The following FBXO25 variants were observed in gnomAD, a reference collection of about 807,000 sequenced individuals.
FBXO25 encodes F-box protein 25.
In FBXO25, 45 loss-of-function variants were observed where a neutral mutation model predicts 51.9. The ratio of observed to expected loss-of-function variants is 0.87; its 90% CI spans 0.68 to 1.11. The LOEUF is 1.11. FBXO25 is among the 50% of genes most tolerant of loss of function. The probability of loss-of-function intolerance (pLI) is 0.00; values close to 1 mark genes in which losing one functional copy is unlikely to be tolerated. For synonymous variants in FBXO25, 199 were observed against 151.0 expected, an observed-to-expected ratio of 1.32 and a Z score of -2.33; for missense variants, 507 against 428.5, an observed-to-expected ratio of 1.18 and a Z score of -1.62.
chr8:418,496 C>T (rs1485671283), intron 2 of FBXO25, among the ~76,000 whole-genome samples: 3 of 151,776 alleles, frequency 2.0e-5, no homozygotes, highest in Non-Finnish European at 2.9e-5. Context: ...CCCACCACCA[C>T]ACCTGGCTAA....
chr8:461,018 C>T (rs1195397965), intron 8 of FBXO25, among the ~76,000 whole-genome samples: 1 of 152,174 alleles, frequency 6.6e-6, no homozygotes, highest in African/African-American at 2.4e-5. Flanking sequence ...CAGTGTTGTA[C>T]AAACAAGTTA....
At chr8:456,618 G>T (rs1479905658) in intron 7 of FBXO25, among the ~76,000 whole-genome samples, 1 of 152,190 alleles carries the variant, frequency 6.6e-6, no homozygotes, top group Non-Finnish European at 1.5e-5. Flanking sequence ...CGTGTGTACA[G>T]ACAGGGCAGG....
chr8:432,033 A>G (rs1398766718), intron 3 of FBXO25, among the ~76,000 whole-genome samples: 1 of 152,212 alleles, frequency 6.6e-6, no homozygotes, highest in African/African-American at 2.4e-5. Context: ...CACTTATAAT[A>G]AAGTTTAATT....
At chr8:464,698 AAATT>A (rs1256608356) in intron 9 of FBXO25, among the ~76,000 whole-genome samples, 16 of 152,368 alleles carry the variant, frequency 1.1e-4, no homozygotes, top group African/African-American at 3.6e-4. Context: ...GTGGCTTTAA[AAATT>A]AATCCGTGGT....
rs1216650057 is a variant in FBXO25 at position 475,868 on chromosome 8, C to G, written c.*7064C>G. On this transcript the variant is annotated 3_prime_UTR_variant, in exon 10 of 10. Transcript: ENST00000350302. ...ATAATTTTGCTTCTTCCTTTCCAGT[C>G]TGGATGCCTTTTATTTCTTTTTCTT... 1.3e-5 allele frequency: 2 copies of G among 152,102 alleles called. No homozygotes were observed. Among genetic ancestry groups the G allele is most frequent in the Non-Finnish European group, 2.9e-5 (2 of 67,982 alleles). 9.4% of individuals were successfully genotyped at this position (152,102 alleles called of 1,614,324 possible).
At chr8:431,224 C>T (rs1447538253) in intron 2 of FBXO25, 117 bp from the exon 3 acceptor site, 5 of 578,306 alleles carry the variant, frequency 8.6e-6, no homozygotes, top group African/African-American at 2.0e-5. Flanking sequence ...AGACATTACC[C>T]TTGTGATTTC....
intron 2 of FBXO25, among the ~76,000 whole-genome samples, chr8:421,297 A>G (rs1797138259): frequency 6.6e-6 from 1 of 152,218 alleles, no homozygotes; most frequent in Non-Finnish European, 1.5e-5. Flanking sequence ...GTCTGTGGAA[A>G]AAGTGTCTTC....
rs1800482141 is a variant in FBXO25, at chr8:471,489, C to CTTCATTACAATGAAGTAGATAA, written c.*2690_*2711dup. ...GTGAGATTAAGTTACATTCTGATGC[C>CTTCATTACAATGAAGTAGATAA]TTCATTACAATGAAGTAGATAATTC... On this transcript the variant is annotated 3_prime_UTR_variant, in exon 10 of 10. Coordinates refer to ENST00000350302, the MANE Select transcript of FBXO25 (RefSeq NM_183420.2). 1 of 152,142 alleles carries CTTCATTACAATGAAGTAGATAA rather than the reference C, an allele frequency of 6.6e-6. No individual in the cohort carries two copies. The highest frequency in any genetic ancestry group is 1.5e-5 in the Non-Finnish European group (1 of 68,036). 9.4% of individuals were successfully genotyped at this position (152,142 alleles called of 1,614,324 possible).
intron 2 of FBXO25, among the ~76,000 whole-genome samples, chr8:415,139 C>G (rs1796719234): frequency 6.6e-6 from 1 of 152,168 alleles, no homozygotes; most frequent in African/African-American, 2.4e-5. Flanking sequence ...ACATAGTACT[C>G]CTAATTCTTT....
chr8:442,053 G>T (rs545742866), intron 5 of FBXO25, among the ~76,000 whole-genome samples: 1 of 152,222 alleles, frequency 6.6e-6, no homozygotes, highest in East Asian at 1.9e-4. Context: ...GAAAAGGGCT[G>T]TTTTTAAAAT....
chr8:468,675 TG>T, intron 9 of FBXO25, 39 bp from the exon 10 acceptor site: 2 of 1,530,450 alleles, frequency 1.3e-6, no homozygotes, highest in South Asian at 2.3e-5. Context: ...GTGTGGCTGG[TG>T]GTGGGGCCCC....
chr8:411,761 G>A (rs1796494950), intron 1 of FBXO25, among the ~76,000 whole-genome samples: 1 of 152,114 alleles, frequency 6.6e-6, no homozygotes, highest in Non-Finnish European at 1.5e-5. Context: ...GGGGGTTGAG[G>A]CAGCAGAAGG....
chr8:464,997 T>G (rs1800059669), intron 9 of FBXO25, among the ~76,000 whole-genome samples: 1 of 152,164 alleles, frequency 6.6e-6, no homozygotes, highest in South Asian at 2.1e-4. Context: ...AGTTCATCAG[T>G]AAGATTATGG....
At chr8:455,157 G>A (rs931831406) in intron 7 of FBXO25, among the ~76,000 whole-genome samples, 2 of 152,182 alleles carry the variant, frequency 1.3e-5, no homozygotes, top group Non-Finnish European at 2.9e-5. Context: ...CAAATGTGTG[G>A]ACTGCTTGGA....
At chr8:419,163 C>T (rs113784183) in intron 2 of FBXO25, among the ~76,000 whole-genome samples, 2,403 of 151,678 alleles carry the variant, frequency 0.016, 48 homozygotes, top group African/African-American at 0.056. Flanking sequence ...AGTTCAAGAC[C>T]AGCCCGGCCA....
intron 5 of FBXO25, among the ~76,000 whole-genome samples, chr8:440,147 G>C (rs1007157036): frequency 1.4e-4 from 21 of 152,150 alleles, no homozygotes; most frequent in African/African-American, 5.1e-4. Flanking sequence ...GCCGTTGTTG[G>C]AATTCTGTCT....
chr8:463,641 T>G (rs1353747451), intron 9 of FBXO25, among the ~76,000 whole-genome samples: 1 of 152,258 alleles, frequency 6.6e-6, no homozygotes, highest in African/African-American at 2.4e-5. Flanking sequence ...AGAGAAGTCC[T>G]AGATTTTAAA....
At chr8:441,047 T>TA in intron 5 of FBXO25, among the ~76,000 whole-genome samples, 1 of 148,560 alleles carries the variant, frequency 6.7e-6, no homozygotes, top group African/African-American at 2.5e-5. Flanking sequence ...GCAATAAACA[T>TA]ACGTGTGCGT....
At chr8:457,235 C>G (rs940147898) in intron 7 of FBXO25, among the ~76,000 whole-genome samples, 1 of 152,200 alleles carries the variant, frequency 6.6e-6, no homozygotes, top group African/African-American at 2.4e-5. Flanking sequence ...CAGAACCCCA[C>G]TGTCAGGAAG....
Sources: gnomAD v4.1 joint callset for allele counts (sites outside exome capture counted in the v4.1 genomes callset) on GRCh38, gnomAD v4.1.1 for gene constraint, MANE v1.5 for transcripts, NCBI Gene and HGNC (gene_info 2026-07-23, HGNC 2026-07-21) for gene names.